Variants in NLGN1 observed in about 807,000 individuals in gnomAD.
The protein encoded by NLGN1 is neuroligin 1, also known as neuroligin-1.
A neutral mutation model predicts 65.5 loss-of-function variants in NLGN1; 12 were observed. That is an observed-to-expected ratio of 0.18 (90% CI 0.12 to 0.30). The LOEUF (loss-of-function observed/expected upper bound fraction) is 0.30, where lower values mean the gene tolerates loss of function less well. NLGN1 is among the 10% of genes least tolerant of loss of function. The pLI is 1.00. For missense variants in NLGN1, 750 were observed against 1,007.1 expected (o/e 0.74, Z 3.46); for synonymous variants, 350 against 359.5 (o/e 0.97, Z 0.30).
chr3:174,268,276 A>G (rs1748667147), intron 4 of NLGN1, among the ~76,000 whole-genome samples: 1 of 152,142 alleles, frequency 6.6e-6, no homozygotes, highest in Non-Finnish European at 1.5e-5. Context: ...CTGCACAGGA[A>G]CTTCGTGAAC....
chr3:173,777,674 T>C (rs575087122), intron 3 of NLGN1, among the ~76,000 whole-genome samples: 26 of 149,400 alleles, frequency 1.7e-4, no homozygotes, highest in African/African-American at 5.2e-4. Context: ...TCTATCTATC[T>C]ATCCATCCCA....
chr3:173,568,510 C>T (rs1055860683), intron 2 of NLGN1, among the ~76,000 whole-genome samples: 1 of 152,218 alleles, frequency 6.6e-6, no homozygotes, highest in Non-Finnish European at 1.5e-5. Context: ...GTTGGGATTA[C>T]AGGCACAAGC....
intron 4 of NLGN1, among the ~76,000 whole-genome samples, chr3:174,257,303 C>T (rs1745977350): frequency 6.6e-6 from 1 of 151,988 alleles, no homozygotes; most frequent in Non-Finnish European, 1.5e-5. Flanking sequence ...TTTACACTGT[C>T]GATGGGAGTG....
At chr3:173,777,410 A>G (rs1168618445) in intron 3 of NLGN1, among the ~76,000 whole-genome samples, 2 of 151,868 alleles carry the variant, frequency 1.3e-5, no homozygotes, top group Non-Finnish European at 3.0e-5. Flanking sequence ...GTAACTGTAT[A>G]CCTCTACAGG....
At chr3:173,973,550 GT>G (rs201920885) in intron 4 of NLGN1, among the ~76,000 whole-genome samples, 19 of 147,486 alleles carry the variant, frequency 1.3e-4, no homozygotes, top group East Asian at 5.9e-4. Context: ...AAATTATGTG[GT>G]TTTTTTTTTG....
chr3:174,093,832 C>T (rs749526186), intron 4 of NLGN1, among the ~76,000 whole-genome samples: 2 of 152,110 alleles, frequency 1.3e-5, no homozygotes, highest in Non-Finnish European at 2.9e-5. Flanking sequence ...CCTCTTTGCT[C>T]CTCTCACCTC....
intron 1 of NLGN1, among the ~76,000 whole-genome samples, chr3:173,413,002 A>G (rs962332909): frequency 2.0e-5 from 3 of 152,200 alleles, no homozygotes; most frequent in Admixed American, 6.5e-5. Context: ...AAAGGAGGGA[A>G]TAAGAAAGAT....
At chr3:174,162,942 G>T (rs1432336814) in intron 4 of NLGN1, among the ~76,000 whole-genome samples, 1 of 151,800 alleles carries the variant, frequency 6.6e-6, no homozygotes, top group Non-Finnish European at 1.5e-5. Flanking sequence ...GATATATACA[G>T]CCTTTGTACA....
At chr3:173,418,186 A>G (rs1227619760) in intron 1 of NLGN1, among the ~76,000 whole-genome samples, 3 of 151,130 alleles carry the variant, frequency 2.0e-5, no homozygotes, top group Non-Finnish European at 3.0e-5. Context: ...AGGCATAATT[A>G]TAATATAATT....
chr3:173,624,631 GGA>G (rs1754548515), intron 3 of NLGN1, among the ~76,000 whole-genome samples: 1 of 151,940 alleles, frequency 6.6e-6, no homozygotes, highest in Admixed American at 6.6e-5. Flanking sequence ...TATCTGTCAG[GGA>G]ATAATTTGAA....
At chr3:173,928,931 A>G (rs917044948) in intron 4 of NLGN1, among the ~76,000 whole-genome samples, 2 of 152,042 alleles carry the variant, frequency 1.3e-5, no homozygotes, top group African/African-American at 4.8e-5. Flanking sequence ...TAGGCCTTCC[A>G]AAGTGCTGGA....
At chr3:173,557,074 A>T (rs1741833246) in intron 2 of NLGN1, among the ~76,000 whole-genome samples, 1 of 152,188 alleles carries the variant, frequency 6.6e-6, no homozygotes, top group Non-Finnish European at 1.5e-5. Context: ...CTGAGAAAGT[A>T]GTGATAAATT....
chr3:174,216,541 A>T (rs954651177), intron 4 of NLGN1, among the ~76,000 whole-genome samples: 1 of 152,140 alleles, frequency 6.6e-6, no homozygotes. Flanking sequence ...CTGAGTAGAT[A>T]GATGTGCCCC....
intron 4 of NLGN1, among the ~76,000 whole-genome samples, chr3:173,824,056 G>A (rs1720859963): frequency 1.3e-5 from 2 of 152,074 alleles, no homozygotes; most frequent in South Asian, 4.1e-4. Flanking sequence ...TGGTTTTAAT[G>A]GCTGTTACAG....
At chr3:173,667,192 T>A (rs1241661659) in intron 3 of NLGN1, among the ~76,000 whole-genome samples, 2 of 151,548 alleles carry the variant, frequency 1.3e-5, no homozygotes, top group South Asian at 2.1e-4. Flanking sequence ...TTTAGGTTAT[T>A]TCCATTTTAA....
chr3:173,667,595 T>C (rs1156794251), intron 3 of NLGN1, among the ~76,000 whole-genome samples: 2 of 152,148 alleles, frequency 1.3e-5, no homozygotes, highest in Non-Finnish European at 2.9e-5. Context: ...GGATTCTATA[T>C]AGATTTTCAC....
intron 3 of NLGN1, among the ~76,000 whole-genome samples, chr3:173,620,751 A>G (rs1753865032): frequency 6.6e-6 from 1 of 152,152 alleles, no homozygotes; most frequent in Non-Finnish European, 1.5e-5. Context: ...TAGATAACAC[A>G]GAAGTGGGGC....
At chr3:173,401,281 T>C (rs552467934) in intron 1 of NLGN1, among the ~76,000 whole-genome samples, 19 of 151,202 alleles carry the variant, frequency 1.3e-4, no homozygotes, top group Admixed American at 5.3e-4. Context: ...CAAATGTCTC[T>C]AAGAGGTCAG....
chr3:173,449,437 A>G (rs1422972237), intron 2 of NLGN1, among the ~76,000 whole-genome samples: 3 of 152,108 alleles, frequency 2.0e-5, no homozygotes, highest in Admixed American at 6.5e-5. Flanking sequence ...ACAGTTTGTT[A>G]TAATTTCTGT....
Sources: gnomAD v4.1 joint callset for allele counts (sites outside exome capture counted in the v4.1 genomes callset) on GRCh38, gnomAD v4.1.1 for gene constraint, MANE v1.5 for transcripts, NCBI Gene and HGNC (gene_info 2026-07-23, HGNC 2026-07-21) for gene names.